Variants in TMEM68 observed in about 807,000 individuals in gnomAD.
TMEM68 encodes transmembrane protein 68, also known as DGAT1/2-independent enzyme synthesizing storage lipids.
TMEM68 carries 25 observed loss-of-function variants against 36.9 expected under a neutral mutation model. The ratio of observed to expected loss-of-function variants is 0.68; its 90% CI spans 0.49 to 0.95. The LOEUF (loss-of-function observed/expected upper bound fraction) is 0.95. TMEM68 is among the 40% of genes least tolerant of loss of function. The pLI, the probability that TMEM68 is intolerant of heterozygous loss-of-function variation, is 0.00. For missense variants in TMEM68, 333 were observed against 392.0 expected (o/e 0.85, Z 1.27); for synonymous variants, 131 against 124.4 (o/e 1.05, Z -0.35).
intron 5 of TMEM68, among the ~76,000 whole-genome samples, chr8:55,750,410 A>G (rs1810395554): frequency 6.6e-6 from 1 of 152,360 alleles, no homozygotes; most frequent in Admixed American, 6.5e-5. Flanking sequence ...TAAACAGAAA[A>G]CGAAGCAGAA....
chr8:55,770,132 C>T (rs557906272), intron 1 of TMEM68, among the ~76,000 whole-genome samples: 117 of 152,288 alleles, frequency 7.7e-4, no homozygotes, highest in Non-Finnish European at 1.4e-3. Flanking sequence ...CACAGAAAGC[C>T]AAGTTTGCTT....
chr8:55,752,577 G>C (rs1052604991), intron 4 of TMEM68, among the ~76,000 whole-genome samples: 1 of 152,058 alleles, frequency 6.6e-6, no homozygotes, highest in African/African-American at 2.4e-5. Flanking sequence ...AACAGAGCAA[G>C]ACTGTCTCAA....
chr8:55,751,255 T>C, intron 4 of TMEM68, 98 bp from the exon 5 acceptor site: 2 of 1,099,594 alleles, frequency 1.8e-6, no homozygotes, highest in South Asian at 3.5e-5. Flanking sequence ...CTATTTATAC[T>C]TAAATCAGTA....
chr8:55,756,190 A>G, intron 4 of TMEM68, 54 bp downstream of exon 4: 1 of 1,510,894 alleles, frequency 6.6e-7, no homozygotes, highest in Admixed American at 2.3e-5. Flanking sequence ...CGACCACATA[A>G]CTTGGTTTTG....
chr8:55,762,077 T>C (rs931948461), intron 3 of TMEM68: 3 of 152,246 alleles, frequency 2.0e-5, no homozygotes, highest in African/African-American at 7.2e-5. Flanking sequence ...AATCATTAAG[T>C]ATACAACATC....
chr8:55,755,520 C>T (rs1373286602), intron 4 of TMEM68, among the ~76,000 whole-genome samples: 1 of 151,916 alleles, frequency 6.6e-6, no homozygotes, highest in East Asian at 1.9e-4. Flanking sequence ...GATTTGCCCA[C>T]CTCGTCCTCC....
chr8:55,757,934 T>G (rs1484735347), intron 3 of TMEM68, among the ~76,000 whole-genome samples: 1 of 152,052 alleles, frequency 6.6e-6, no homozygotes, highest in African/African-American at 2.4e-5. Context: ...CAGAGCCCCA[T>G]AAGATTTTAG....
chr8:55,750,331 C>T (rs78883741), intron 5 of TMEM68, among the ~76,000 whole-genome samples: 2,463 of 152,180 alleles, frequency 0.016, 78 homozygotes, highest in African/African-American at 0.057. Flanking sequence ...ACAATATTCT[C>T]TAACTGGCCT....
intron 1 of TMEM68, among the ~76,000 whole-genome samples, chr8:55,766,813 C>A (rs1388237877): frequency 6.6e-6 from 1 of 152,046 alleles, no homozygotes; most frequent in African/African-American, 2.4e-5. Flanking sequence ...GGAATATTTG[C>A]AATAAGTGAT....
At chr8:55,759,247 CCT>C (rs1340528495) in intron 3 of TMEM68, among the ~76,000 whole-genome samples, 4 of 118,736 alleles carry the variant, frequency 3.4e-5, no homozygotes, top group Non-Finnish European at 5.4e-5. Flanking sequence ...CAGTGAAATC[CCT>C]GTCTCTACAA....
intron 1 of TMEM68, among the ~76,000 whole-genome samples, chr8:55,766,373 C>CTTTTT (rs768070569): frequency 8.8e-6 from 1 of 113,062 alleles, no homozygotes; most frequent in African/African-American, 3.2e-5. Context: ...TCTATGCACG[C>CTTTTT]TTTTTTTTTT....
chr8:55,747,495 G>A (rs555423793), intron 5 of TMEM68: 1 of 152,258 alleles, frequency 6.6e-6, no homozygotes, highest in East Asian at 1.9e-4. Flanking sequence ...AGTAAATATA[G>A]TTTATTTGCT....
intron 3 of TMEM68, chr8:55,760,915 A>T (rs1450198277): frequency 1.3e-5 from 2 of 152,238 alleles, no homozygotes; most frequent in Non-Finnish European, 2.9e-5. Flanking sequence ...TTGAGGATCA[A>T]CTGTCCCATC....
intron 7 of TMEM68, among the ~76,000 whole-genome samples, chr8:55,742,765 G>A (rs1353640459): frequency 6.6e-6 from 1 of 150,504 alleles, no homozygotes; most frequent in Non-Finnish European, 1.5e-5. Flanking sequence ...TAACAAGAAT[G>A]GGGTAAAAAA....
chr8:55,743,399 T>C (rs1374474090), intron 7 of TMEM68, 82 bp downstream of exon 7: 4 of 1,449,726 alleles, frequency 2.8e-6, no homozygotes, highest in Non-Finnish European at 3.6e-6. Context: ...TTGTAGAATA[T>C]AAAAATAAAT....
chr8:55,763,718 A>ATGTTTTTATCT (rs375048520), intron 2 of TMEM68: 3 of 44,610 alleles, frequency 6.7e-5, no homozygotes, highest in Non-Finnish European at 1.2e-4. Flanking sequence ...AAAAGAAAAC[A>ATGTTTTTATCT]TCAATATCTA....
chr8:55,761,121 C>T (rs916738516), intron 3 of TMEM68: 1 of 152,116 alleles, frequency 6.6e-6, no homozygotes, highest in Non-Finnish European at 1.5e-5. Context: ...ACTATAGTGC[C>T]AGTAAACCTT....
intron 1 of TMEM68, among the ~76,000 whole-genome samples, chr8:55,772,721 AGAAAGGT>A (rs1811221015): frequency 1.3e-5 from 2 of 152,226 alleles, no homozygotes; most frequent in Admixed American, 6.5e-5. Context: ...AGGTAAGCTC[AGAAAGGT>A]GAAGTTGCCT....
In TMEM68 at chr8:55,749,262, G is replaced by A. The variant is rs535704062; in HGVS notation, c.687+1702C>T. ...TTATATCAAAAAGTCTGTCACTTTC[G>A]AATAAACCTTAATATTTTCTACCAA... is the stretch of plus-strand genomic sequence containing the variant. On this transcript the variant is annotated intron_variant, in intron 5 of 7. Coordinates refer to ENST00000434581, the MANE Select transcript of TMEM68 (RefSeq NM_001286657.2). 5.0e-4 allele frequency among the ~76,000 whole-genome samples: 76 copies of A among 152,198 alleles called. 1 individual carries two copies. The Middle Eastern group carries it at 0.014, about 27-fold the overall frequency.
Sources: allele counts gnomAD v4.1 joint callset (sites outside exome capture counted in the v4.1 genomes callset), GRCh38; gene constraint gnomAD v4.1.1; transcripts MANE v1.5; gene names NCBI Gene and HGNC (gene_info 2026-07-23, HGNC 2026-07-21).